MINAR1: variants seen among roughly 807,000 people sequenced by gnomAD.
MINAR1 encodes membrane integral NOTCH2 associated receptor 1, also known as major intrinsically disordered Notch2-binding receptor 1.
In MINAR1, 40 loss-of-function variants were observed where a neutral mutation model predicts 65.1. That is an observed-to-expected ratio of 0.61 (90% CI 0.48 to 0.80). The LOEUF (loss-of-function observed/expected upper bound fraction) is 0.80, where lower values mean the gene tolerates loss of function less well. MINAR1 is among the 30% of genes least tolerant of loss of function. MINAR1 has a pLI of 0.00. For missense variants in MINAR1, 1,128 were observed against 1,148.0 expected, an observed-to-expected ratio of 0.98 and a Z score of 0.25; for synonymous variants, 482 against 449.1, an observed-to-expected ratio of 1.07 and a Z score of -0.93.
chr15:79,466,494 A>G (rs892863628), intron 3 of MINAR1, among the ~76,000 whole-genome samples: 6 of 152,220 alleles, frequency 3.9e-5, no homozygotes, highest in Non-Finnish European at 5.9e-5. Flanking sequence ...TGCATTTCAT[A>G]TAATTTTCAT....
chr15:79,441,310 T>G (rs1894861700), intron 1 of MINAR1, among the ~76,000 whole-genome samples: 1 of 152,186 alleles, frequency 6.6e-6, no homozygotes, highest in Non-Finnish European at 1.5e-5. Flanking sequence ...GTATAAAATT[T>G]TATGTCATAA....
At chr15:79,462,271 G>A (rs972118472) in intron 2 of MINAR1, among the ~76,000 whole-genome samples, 6 of 152,146 alleles carry the variant, frequency 3.9e-5, no homozygotes, top group African/African-American at 1.4e-4. Flanking sequence ...GTTCAAAGGC[G>A]CAAATGCTGG....
At chr15:79,447,471 TTTTAGGTTC>T (rs1290511170) in intron 1 of MINAR1, among the ~76,000 whole-genome samples, 1 of 88,788 alleles carries the variant, frequency 1.1e-5, no homozygotes, top group African/African-American at 9.1e-5. Context: ...GATTCATTTA[TTTTAGGTTC>T]TTGAAGTTCT....
chr15:79,452,492 C>G (rs909902098), intron 1 of MINAR1, among the ~76,000 whole-genome samples: 13 of 130,022 alleles, frequency 1.0e-4, no homozygotes, highest in Admixed American at 7.6e-4. Flanking sequence ...GGATTTGAGT[C>G]TGAGTGTGAA....
At chr15:79,454,312 T>C (rs536841844) in intron 1 of MINAR1, among the ~76,000 whole-genome samples, 1 of 152,196 alleles carries the variant, frequency 6.6e-6, no homozygotes. Context: ...TAGAAGCCTA[T>C]TGGGAGTGGC....
chr15:79,452,856 AGTCT>A (rs948692115), intron 1 of MINAR1, among the ~76,000 whole-genome samples: 2 of 127,986 alleles, frequency 1.6e-5, no homozygotes, highest in Non-Finnish European at 3.4e-5. Flanking sequence ...TGTATGGGTG[AGTCT>A]GTGTGAGTGT....
In MINAR1 at chr15:79,458,088, C is replaced by G. The variant is rs1161120939; in HGVS notation, c.1941C>G (p.Asn647Lys). The change falls in exon 2 of 4, where the codon AAC (asparagine) becomes AAG (lysine). Residue 647 changes from asparagine to lysine, a missense_variant. Coordinates refer to ENST00000305428, the MANE Select transcript of MINAR1 (RefSeq NM_015206.3). ...PEKVSVQIDL[N>K]SLTSEGPSDD... ...AGGTGAGTGTGCAGATAGATCTGAA[C>G]TCCTTGACAAGCGAGGGTCCGTCTG... 6.2e-7 allele frequency: 1 copy of G among 1,614,174 alleles called. No individual in the cohort carries two copies. The highest frequency in any genetic ancestry group is 1.7e-5 in the Admixed American group (1 of 60,026).
upstream of MINAR1, among the ~76,000 whole-genome samples, chr15:79,431,808 T>C (rs1350867304): frequency 6.6e-6 from 1 of 152,182 alleles, no homozygotes; most frequent in African/African-American, 2.4e-5. Context: ...AGCGCGCAGC[T>C]TCCGCTCGCT....
intron 2 of MINAR1, among the ~76,000 whole-genome samples, chr15:79,460,973 C>G (rs984021459): frequency 2.6e-5 from 4 of 152,242 alleles, no homozygotes; most frequent in Non-Finnish European, 5.9e-5. Context: ...CCAAGACTCT[C>G]TGGTCCACCT....
In MINAR1 at chr15:79,448,407, C is replaced by A. The variant is rs369287843; in HGVS notation, c.-50-7691C>A. ...GTTTGAAATTTTATTAGAGGTGACA[C>A]AAACAATGTAGAAATTCTTAATCAC... On this transcript the variant is annotated intron_variant, in intron 1 of 3. Coordinates refer to ENST00000305428, the MANE Select transcript of MINAR1 (RefSeq NM_015206.3). Among the ~76,000 whole-genome samples the A allele has an allele frequency of 1.2e-4, 19 of 152,268 alleles. No individual in the cohort carries two copies. In the East Asian group the frequency reaches 2.9e-3, roughly 23 times the overall value.
intron 3 of MINAR1, among the ~76,000 whole-genome samples, chr15:79,464,704 C>T (rs1895774835): frequency 6.6e-6 from 1 of 152,140 alleles, no homozygotes; most frequent in African/African-American, 2.4e-5. Flanking sequence ...CTGTCCAGAC[C>T]CTGACAGTGA....
Position 79,468,323 on chromosome 15 carries a change from C to G in MINAR1, c.2690C>G (p.Ala897Gly), listed in dbSNP as rs751182707. 1 of 1,614,148 alleles carries G rather than the reference C, an allele frequency of 6.2e-7. No individual in the cohort carries two copies. The highest frequency in any genetic ancestry group is 8.5e-7 in the Non-Finnish European group (1 of 1,180,022). The change falls in exon 4 of 4, where the codon GCT becomes GGT. Residue 897 changes from alanine (A) to glycine (G), a missense_variant. Ala to Gly is a moderately conservative substitution (Grantham distance 60). Transcript: ENST00000305428. ...GTCTGCAAGATAGCTGCTCTGATCG[C>G]TGCTGCGGCATGCACCGTCATCCTC... ...AKVCKIAALI[A>G]AAACTVILVI... is the part of the protein sequence containing the mutation.
At chr15:79,442,003 A>T (rs545874875) in intron 1 of MINAR1, among the ~76,000 whole-genome samples, 4 of 150,418 alleles carry the variant, frequency 2.7e-5, no homozygotes, top group Non-Finnish European at 5.9e-5. Context: ...AGAGCTTTCA[A>T]TGAAATGCAA....
intron 1 of MINAR1, among the ~76,000 whole-genome samples, chr15:79,451,318 C>T (rs1279673451): frequency 6.6e-6 from 1 of 152,084 alleles, no homozygotes; most frequent in Non-Finnish European, 1.5e-5. Flanking sequence ...AAAACTCCTG[C>T]GTGATAAGCG....
intron 2 of MINAR1, among the ~76,000 whole-genome samples, chr15:79,459,384 CCTTT>C (rs1895560224): frequency 6.6e-6 from 1 of 152,162 alleles, no homozygotes; most frequent in South Asian, 2.1e-4. Context: ...ACACTTGAAT[CCTTT>C]CTTTCTCTCA....
chr15:79,467,695 C>T (rs776710608), intron 3 of MINAR1, among the ~76,000 whole-genome samples: 9 of 152,200 alleles, frequency 5.9e-5, no homozygotes, highest in Non-Finnish European at 1.2e-4. Flanking sequence ...TTAAACTGCT[C>T]ATCTTGGAGG....
At chr15:79,444,132 C>A (rs775776181) in intron 1 of MINAR1, among the ~76,000 whole-genome samples, 1 of 152,184 alleles carries the variant, frequency 6.6e-6, no homozygotes, top group Admixed American at 6.5e-5. Flanking sequence ...TGGCCTTTGA[C>A]AAGTTACGGA....
intron 1 of MINAR1, among the ~76,000 whole-genome samples, chr15:79,448,289 G>GA (rs1221861947): frequency 1.3e-5 from 2 of 152,212 alleles, no homozygotes; most frequent in African/African-American, 4.8e-5. Flanking sequence ...TTGAGAAACA[G>GA]AAGTGTAACC....
the MINAR1 span, chr15:79,424,571 G>A: frequency 6.6e-6 from 1 of 152,230 alleles, no homozygotes. Context: ...TAAGGTTAAT[G>A]TTAAGCTTGG....
Sources: allele counts gnomAD v4.1 joint callset (sites outside exome capture counted in the v4.1 genomes callset), GRCh38; gene constraint gnomAD v4.1.1; transcripts MANE v1.5; gene names NCBI Gene and HGNC (gene_info 2026-07-23, HGNC 2026-07-21).